Variants in P2RY12 observed in about 807,000 individuals in gnomAD.
P2RY12 encodes the protein purinergic receptor P2Y12.
P2RY12 carries 3 observed loss-of-function variants against 4.5 expected under a neutral mutation model. That is an observed-to-expected ratio of 0.67 (90% confidence interval 0.31 to 1.74). The LOEUF is 1.74. Among genes scored for constraint, P2RY12 ranks in the 40% most tolerant of loss-of-function variants. The probability of loss-of-function intolerance (pLI) is 0.09; values close to 1 mark genes in which losing one functional copy is unlikely to be tolerated. For missense variants in P2RY12, 356 were observed against 407.8 expected (o/e 0.87, Z 1.09); for synonymous variants, 148 against 154.1 (o/e 0.96, Z 0.29).
At chr3:151,349,284 A>G (rs1323593511) in intron 1 of P2RY12, among the ~76,000 whole-genome samples, 2 of 152,128 alleles carry the variant, frequency 1.3e-5, no homozygotes, top group African/African-American at 2.4e-5. Context: ...CACTGTGCCT[A>G]TGGGGTGGTG....
At chr3:151,369,598 G>T in intron 1 of P2RY12, 1 of 1,210,020 alleles carries the variant, frequency 8.3e-7, no homozygotes, top group South Asian at 1.4e-5. Context: ...CAGAAATGAA[G>T]GCAAAATAAT....
intron 1 of P2RY12, among the ~76,000 whole-genome samples, chr3:151,341,968 A>G (rs554624946): frequency 6.6e-6 from 1 of 152,264 alleles, no homozygotes; most frequent in South Asian, 2.1e-4. Flanking sequence ...TTCTTAATCC[A>G]GTCTATCATT....
chr3:151,377,262 T>G, intron 1 of P2RY12: 1 of 1,099,410 alleles, frequency 9.1e-7, no homozygotes, highest in Non-Finnish European at 1.3e-6. Context: ...GATTTTTCTT[T>G]AAGTCATAGG....
rs1356657572 is a variant in P2RY12 at position 151,337,360 on chromosome 3, G to A, written c.*457C>T. 1 of 157,444 alleles carries A rather than the reference G, an allele frequency of 6.4e-6. No homozygotes were observed. The highest frequency in any genetic ancestry group is 1.4e-5 in the Non-Finnish European group (1 of 71,454). The allele number at this position is 157,444 out of a possible 1,614,324, so 9.8% of individuals were successfully genotyped here. A position where few individuals can be genotyped will look rare whatever the true frequency, so the allele number is the denominator to read the frequency against. On this transcript the variant is annotated 3_prime_UTR_variant, in exon 3 of 3. Coordinates refer to ENST00000302632, the MANE Select transcript of P2RY12 (RefSeq NM_022788.5). ...TTAAATTTTTATAAGTATCCCAATA[G>A]GTCAGGATTTGGTTAGGGGACTAGG...
intron 1 of P2RY12, among the ~76,000 whole-genome samples, chr3:151,348,561 C>T (rs962111904): frequency 5.3e-5 from 8 of 150,680 alleles, no homozygotes; most frequent in South Asian, 2.1e-4. Context: ...AAGAGAAACT[C>T]GCTCCTAGCT....
intron 1 of P2RY12, among the ~76,000 whole-genome samples, chr3:151,383,271 G>A (rs1187401712): frequency 6.6e-6 from 1 of 152,152 alleles, no homozygotes; most frequent in Non-Finnish European, 1.5e-5. Context: ...TGATACTTTT[G>A]CAGTTGTTTC....
intron 1 of P2RY12, chr3:151,365,841 CT>C: frequency 1.1e-5 from 18 of 1,599,486 alleles, no homozygotes; most frequent in Non-Finnish European, 1.4e-5. Context: ...TCTTCTTTTT[CT>C]TTTCTAGGAT....
Position 151,367,726 on chromosome 3 carries a change from C to T in P2RY12, c.-180+16966G>A, listed in dbSNP as rs141664377. ...CACGACAGTGTTTTTCCCTGGAGGA[C>T]GTCGTGCAGCATGTCGCACTTCCCT... is the stretch of plus-strand genomic sequence containing the variant. On this transcript the variant is annotated intron_variant, in intron 1 of 2. Coordinates refer to ENST00000302632, the MANE Select transcript of P2RY12 (RefSeq NM_022788.5). 4.6e-3 allele frequency: 7,458 copies of T among 1,611,366 alleles called. 28 individuals carry two copies. Among genetic ancestry groups the T allele is most frequent in the Non-Finnish European group, 5.8e-3 (6,880 of 1,178,148 alleles).
intron 1 of P2RY12, chr3:151,355,810 C>T: frequency 8.2e-7 from 1 of 1,223,652 alleles, no homozygotes; most frequent in Non-Finnish European, 1.1e-6. Flanking sequence ...ATAGATTCAA[C>T]TGTCTTAAAA....
At chr3:151,350,025 A>T in intron 1 of P2RY12, 1 of 1,597,180 alleles carries the variant, frequency 6.3e-7, no homozygotes, top group Non-Finnish European at 8.6e-7. Context: ...ACCCCTGCAG[A>T]CAAGAGTTTC....
chr3:151,367,071 G>C (rs1427424215), intron 1 of P2RY12, among the ~76,000 whole-genome samples: 1 of 152,154 alleles, frequency 6.6e-6, no homozygotes, highest in Non-Finnish European at 1.5e-5. Flanking sequence ...GTGAGATCTA[G>C]AAAGGTAAAG....
intron 1 of P2RY12, among the ~76,000 whole-genome samples, chr3:151,374,864 C>T (rs1226610368): frequency 6.6e-6 from 1 of 152,088 alleles, no homozygotes; most frequent in Non-Finnish European, 1.5e-5. Context: ...ATCCCTCTTA[C>T]CAGATGATCC....
Position 151,380,235 on chromosome 3 carries a change from G to A in P2RY12, c.-180+4457C>T, listed in dbSNP as rs777568702. 2.7e-6 allele frequency: 4 copies of A among 1,505,262 alleles called. No individual in the cohort carries two copies. In the East Asian group the frequency reaches 9.1e-5, roughly 34 times the overall value. 93.2% of individuals were successfully genotyped at this position (1,505,262 alleles called of 1,614,324 possible). A position where few individuals can be genotyped will look rare whatever the true frequency, so the allele number is the denominator to read the frequency against. On this transcript the variant is annotated intron_variant, in intron 1 of 2. Transcript: ENST00000302632. ...AATCAAGTTAACCAGGTAAAGTATA[G>A]TATAATATTAAGACAGGCAAATATC...
intron 1 of P2RY12, chr3:151,369,586 A>G: frequency 7.4e-7 from 1 of 1,357,958 alleles, no homozygotes; most frequent in Non-Finnish European, 1.0e-6. Flanking sequence ...TTGGTTAATC[A>G]CCAGAAATGA....
intron 1 of P2RY12, among the ~76,000 whole-genome samples, chr3:151,381,655 A>G (rs1712370741): frequency 6.6e-6 from 1 of 152,198 alleles, no homozygotes; most frequent in Non-Finnish European, 1.5e-5. Context: ...ACCTCTAAAA[A>G]TAGGACCACA....
intron 1 of P2RY12, among the ~76,000 whole-genome samples, chr3:151,362,224 A>G (rs1035966146): frequency 6.6e-6 from 1 of 151,988 alleles, no homozygotes; most frequent in Non-Finnish European, 1.5e-5. Flanking sequence ...CACATTTTCA[A>G]CATCCACTAA....
At chr3:151,351,789 T>C (rs1160670936) in intron 1 of P2RY12, among the ~76,000 whole-genome samples, 2 of 152,030 alleles carry the variant, frequency 1.3e-5, no homozygotes, top group East Asian at 3.9e-4. Flanking sequence ...GCTTGAGGGG[T>C]ATGGGAAGGG....
chr3:151,368,912 C>A (rs1449916550), intron 1 of P2RY12, among the ~76,000 whole-genome samples: 1 of 151,782 alleles, frequency 6.6e-6, no homozygotes, highest in East Asian at 1.9e-4. Flanking sequence ...TAGGCATGCA[C>A]CACCATGCCT....
At chr3:151,348,990 T>C (rs1237006230) in intron 1 of P2RY12, among the ~76,000 whole-genome samples, 1 of 152,206 alleles carries the variant, frequency 6.6e-6, no homozygotes, top group Non-Finnish European at 1.5e-5. Context: ...TAGGATAAGA[T>C]GGATGCTGTT....
Sources: allele counts gnomAD v4.1 joint callset (sites outside exome capture counted in the v4.1 genomes callset), GRCh38; gene constraint gnomAD v4.1.1; transcripts MANE v1.5; gene names NCBI Gene and HGNC (gene_info 2026-07-23, HGNC 2026-07-21).